The following BPTF variants were observed in gnomAD, a reference collection of about 807,000 sequenced individuals.
BPTF encodes bromodomain PHD finger transcription factor, also known as nucleosome-remodeling factor subunit BPTF.
A neutral mutation model predicts 292.5 loss-of-function variants in BPTF; 18 were observed. That is an observed-to-expected ratio of 0.06 (90% CI 0.04 to 0.09). The LOEUF (loss-of-function observed/expected upper bound fraction) is 0.09, where lower values mean the gene tolerates loss of function less well. Among genes scored for constraint, BPTF ranks in the 10% least tolerant of loss-of-function variants. The pLI is 1.00. For missense variants in BPTF, 2,726 were observed against 3,498.7 expected, an observed-to-expected ratio of 0.78 and a Z score of 5.57; for synonymous variants, 1,225 against 1,251.9, an observed-to-expected ratio of 0.98 and a Z score of 0.45.
intron 9 of BPTF, among the ~76,000 whole-genome samples, chr17:67,908,214 A>G (rs1044240292): frequency 1.6e-4 from 25 of 152,142 alleles, no homozygotes; most frequent in African/African-American, 5.6e-4. Context: ...GCTGGAGTGC[A>G]GTGGCACCAT....
rs1201609508 is a variant in BPTF at position 67,875,000 on chromosome 17, C to G, written c.1844C>G (p.Pro615Arg). ...DSDDKTPDDDPEQGKSEVGDF... is the reference protein window; with the variant it reads ...DSDDKTPDDDREQGKSEVGDF... The stretch of plus-strand genomic sequence containing the variant: ...GACGACAAAACACCAGATGATGACC[C>G]TGAGCAAGGAAAATCTGAGGGTAAA... The change falls in exon 4 of 28, where the codon CCT (proline) becomes CGT (arginine). Residue 615 changes from proline (P) to arginine (R), a missense_variant. This residue lies in a region of BPTF where 187 missense variants were observed against 201.5 expected (regional missense o/e 0.93). Coordinates refer to ENST00000306378, the MANE Select transcript of BPTF (RefSeq NM_182641.4). 2.5e-6 allele frequency: 4 copies of G among 1,610,282 alleles called. No homozygotes were observed. The East Asian group carries it at 8.9e-5, about 36-fold the overall frequency.
intron 3 of BPTF, among the ~76,000 whole-genome samples, chr17:67,868,852 A>G (rs1266761065): frequency 6.6e-6 from 1 of 152,218 alleles, no homozygotes; most frequent in African/African-American, 2.4e-5. Flanking sequence ...TCTCACATAT[A>G]AATACTGTTG....
chr17:67,863,943 AT>A (rs75352663), intron 2 of BPTF, among the ~76,000 whole-genome samples: 30,974 of 152,078 alleles, frequency 0.2, 3,965 homozygotes, highest in East Asian at 0.66. Flanking sequence ...TCTTAATTAT[AT>A]TTTTAGCAAA....
At chr17:67,929,086 G>T in intron 16 of BPTF, 1 of 1,298,690 alleles carries the variant, frequency 7.7e-7, no homozygotes, top group Non-Finnish European at 9.8e-7. Flanking sequence ...CAAACAGCAA[G>T]ATTGTCGCTG....
chr17:67,935,183 G>GGA (rs2064812663), intron 18 of BPTF, among the ~76,000 whole-genome samples: 1 of 152,124 alleles, frequency 6.6e-6, no homozygotes, highest in Non-Finnish European at 1.5e-5. Context: ...CAGCACTTTG[G>GGA]GAGACTAAGG....
intron 4 of BPTF, chr17:67,875,475 A>T: frequency 9.0e-7 from 1 of 1,106,702 alleles, no homozygotes; most frequent in Non-Finnish European, 1.2e-6. Context: ...GTGATTATTT[A>T]GTAGTTGACT....
chr17:67,884,558 G>A (rs1184791750), intron 4 of BPTF, among the ~76,000 whole-genome samples: 10 of 152,010 alleles, frequency 6.6e-5, no homozygotes, highest in Non-Finnish European at 1.5e-5. Flanking sequence ...TAGGACTAGA[G>A]GCATGCACTA....
At chr17:67,848,465 A>G (rs1434629886) in intron 1 of BPTF, among the ~76,000 whole-genome samples, 1 of 152,192 alleles carries the variant, frequency 6.6e-6, no homozygotes, top group Non-Finnish European at 1.5e-5. Flanking sequence ...GAAGCACAGC[A>G]CCTGGAGGCA....
At position 67,919,996 on chromosome 17, in the gene BPTF, T is replaced by C. The variant is rs1347673132; in HGVS notation, c.5429-19T>C. 6.3e-7 allele frequency: 1 copy of C among 1,598,138 alleles called. No homozygotes were observed. Among genetic ancestry groups the C allele is most frequent in the East Asian group, 2.2e-5 (1 of 44,702 alleles). On this transcript the variant is annotated intron_variant, in intron 12 of 27. Transcript: ENST00000306378. ...GTATTTCAGTTGGTTATTAATACTA[T>C]TGAATTAAATCACCATAGAAACATC... is the stretch of plus-strand genomic sequence containing the variant.
intron 16 of BPTF, 30 bp from the exon 17 acceptor site, chr17:67,929,306 T>G (rs762169503): frequency 1.2e-6 from 2 of 1,611,972 alleles, no homozygotes; most frequent in Admixed American, 3.4e-5. Context: ...AAAGTGATAG[T>G]TTTTAATTAT....
intron 20 of BPTF, 102 bp downstream of exon 20, chr17:67,944,474 G>A: frequency 1.5e-6 from 2 of 1,335,938 alleles, no homozygotes; most frequent in Non-Finnish European, 1.0e-6. Context: ...GGAAGGATAT[G>A]CCTCAAGCCA....
chr17:67,981,522 C>G (rs1193444231), intron 27 of BPTF: 2 of 1,123,094 alleles, frequency 1.8e-6, no homozygotes, highest in Non-Finnish European at 2.2e-6. Flanking sequence ...TCGTGATTAC[C>G]TAATTCAAAA....
chr17:67,907,436 A>G (rs543531087), intron 9 of BPTF, among the ~76,000 whole-genome samples: 20 of 151,254 alleles, frequency 1.3e-4, no homozygotes, highest in African/African-American at 4.1e-4. Flanking sequence ...GCTCACTGCA[A>G]CCTCCACCTC....
chr17:67,903,494 T>G (rs1053958302), intron 7 of BPTF, among the ~76,000 whole-genome samples: 1 of 152,262 alleles, frequency 6.6e-6, no homozygotes, highest in Non-Finnish European at 1.5e-5. Flanking sequence ...TAATGGACTA[T>G]GTAAAGAGAT....
In BPTF at chr17:67,976,099, C is replaced by T. The variant is rs1340572801; in HGVS notation, c.8726+141C>T. 1.1e-5 allele frequency: 7 copies of T among 628,054 alleles called. No individual in the cohort carries two copies. In the South Asian group the frequency reaches 2.4e-4, roughly 22 times the overall value. 38.9% of individuals were successfully genotyped at this position (628,054 alleles called of 1,614,324 possible). A position where few individuals can be genotyped will look rare whatever the true frequency, so the allele number is the denominator to read the frequency against. Reference sequence around the variant, plus strand: ...AAAAAAAAATAAATAAATCAAGACTCCAGGGTTATGATCTACTGCCAAGGA... The same window carrying T: ...AAAAAAAAATAAATAAATCAAGACTTCAGGGTTATGATCTACTGCCAAGGA... On this transcript the variant is annotated intron_variant, in intron 27 of 27. Transcript: ENST00000306378.
intron 1 of BPTF, among the ~76,000 whole-genome samples, chr17:67,845,535 G>T (rs2057967094): frequency 6.6e-6 from 1 of 152,208 alleles, no homozygotes; most frequent in South Asian, 2.1e-4. Flanking sequence ...CACTTGGGGA[G>T]GCCCGAGGTG....
chr17:67,912,294 C>A lies in BPTF; in HGVS notation c.4410C>A (p.Val1470=). 6.2e-7 allele frequency: 1 copy of A among 1,613,654 alleles called. No homozygotes were observed. Among genetic ancestry groups the A allele is most frequent in the East Asian group, 2.2e-5 (1 of 44,874 alleles). Residue 1470 remains valine (V), a synonymous_variant, in exon 11 of 28, where the codon GTC becomes GTA. Coordinates refer to ENST00000306378, the MANE Select transcript of BPTF (RefSeq NM_182641.4). ...TAAGGCCATTCATTAATGGTGATGT[C>A]ATCATGGAAGATTTTAATGAAAGAA... is the stretch of plus-strand genomic sequence containing the variant. ...SAIRPFINGD[V]IMEDFNERNS...
At chr17:67,909,370 T>G (rs1376221608) in intron 9 of BPTF, among the ~76,000 whole-genome samples, 1 of 150,950 alleles carries the variant, frequency 6.6e-6, no homozygotes, top group African/African-American at 2.4e-5. Context: ...ATGTCTGAAG[T>G]TCAGGCATTC....
At chr17:67,866,002 T>G (rs546045494) in intron 2 of BPTF, among the ~76,000 whole-genome samples, 2 of 152,126 alleles carry the variant, frequency 1.3e-5, no homozygotes, top group Non-Finnish European at 2.9e-5. Flanking sequence ...TGTCTGTAAG[T>G]CCTAACTACT....
Sources: gnomAD v4.1 joint callset for allele counts (sites outside exome capture counted in the v4.1 genomes callset) on GRCh38, gnomAD v4.1.1 for gene constraint, gnomAD v4.1.1 regional missense constraint, MANE v1.5 for transcripts, NCBI Gene and HGNC (gene_info 2026-07-23, HGNC 2026-07-21) for gene names.